CCDC7: variants seen among roughly 807,000 people sequenced by gnomAD.
CCDC7 encodes coiled-coil domain containing 7.
CCDC7 carries 183 observed loss-of-function variants against 196.9 expected under a neutral mutation model. The ratio of observed to expected loss-of-function variants is 0.93; its 90% CI spans 0.82 to 1.05. CCDC7 has a LOEUF of 1.05. Among genes scored for constraint, CCDC7 ranks in the 50% least tolerant of loss-of-function variants. The pLI is 0.00. For synonymous variants in CCDC7, 525 were observed against 484.6 expected, an observed-to-expected ratio of 1.08 and a Z score of -1.10; for missense variants, 1,540 against 1,482.2, an observed-to-expected ratio of 1.04 and a Z score of -0.64.
chr10:32,774,775 T>C (rs2134162473), intron 28 of CCDC7, among the ~76,000 whole-genome samples: 1 of 152,328 alleles, frequency 6.6e-6, no homozygotes, highest in East Asian at 1.9e-4. Flanking sequence ...TGGCTTCTCA[T>C]GCTGGTTGGA....
chr10:32,759,409 G>A (rs2077047060), intron 28 of CCDC7, among the ~76,000 whole-genome samples: 1 of 152,124 alleles, frequency 6.6e-6, no homozygotes, highest in African/African-American at 2.4e-5. Flanking sequence ...TGGACCAATG[G>A]AATAGAATAG....
At chr10:32,444,305 C>T (rs1469896268), upstream of CCDC7, among the ~76,000 whole-genome samples, 1 of 152,174 alleles carries the variant, frequency 6.6e-6, no homozygotes, top group Non-Finnish European at 1.5e-5. Context: ...CGATTCATGT[C>T]ACAGACTCAA....
intron 1 of CCDC7, among the ~76,000 whole-genome samples, chr10:32,452,527 G>T (rs2033342698): frequency 6.6e-6 from 1 of 152,198 alleles, no homozygotes; most frequent in African/African-American, 2.4e-5. Flanking sequence ...GCATGATCTT[G>T]GCTCACTGCA....
chr10:32,586,866 C>T (rs2059333522), intron 18 of CCDC7, among the ~76,000 whole-genome samples: 1 of 151,958 alleles, frequency 6.6e-6, no homozygotes. Flanking sequence ...ACTTTTAAGA[C>T]AAAATTAAAT....
intron 30 of CCDC7, 84 bp downstream of exon 31, chr10:32,805,182 C>T: frequency 1.1e-6 from 1 of 948,788 alleles, no homozygotes; most frequent in Non-Finnish European, 1.7e-6. Flanking sequence ...AGCAATGGTG[C>T]CCATTTGTTA....
chr10:32,536,176 T>A (rs2050459866), intron 11 of CCDC7, among the ~76,000 whole-genome samples: 1 of 152,094 alleles, frequency 6.6e-6, no homozygotes, highest in Non-Finnish European at 1.5e-5. Context: ...TTCCAAAAGC[T>A]AATCTTGAAA....
intron 37 of CCDC7, among the ~76,000 whole-genome samples, chr10:32,846,713 A>G (rs1398610290): frequency 6.6e-6 from 1 of 152,210 alleles, no homozygotes; most frequent in Non-Finnish European, 1.5e-5. Flanking sequence ...AGTAGTCTCA[A>G]TGTAGGCATT....
intron 21 of CCDC7, among the ~76,000 whole-genome samples, chr10:32,675,001 A>C (rs994582883): frequency 6.6e-6 from 1 of 152,084 alleles, no homozygotes; most frequent in Non-Finnish European, 1.5e-5. Flanking sequence ...ACTCTAAAGC[A>C]AGTCTCTTGC....
At chr10:32,498,477 C>T (rs56133642) in intron 9 of CCDC7, among the ~76,000 whole-genome samples, 13,146 of 152,172 alleles carry the variant, frequency 0.086, 890 homozygotes, top group South Asian at 0.25. Flanking sequence ...TTCATAGCAT[C>T]GATGGTCTTT....
At chr10:32,669,074 C>T (rs2073479158) in intron 21 of CCDC7, among the ~76,000 whole-genome samples, 1 of 152,020 alleles carries the variant, frequency 6.6e-6, no homozygotes, top group Non-Finnish European at 1.5e-5. Context: ...GTACAATCCT[C>T]CTATACCTAA....
intron 11 of CCDC7, among the ~76,000 whole-genome samples, chr10:32,537,567 C>G (rs760285393): frequency 6.6e-6 from 1 of 152,080 alleles, no homozygotes; most frequent in Non-Finnish European, 1.5e-5. Context: ...AAATCTTTGC[C>G]AAGTCCTATG....
intron 1 of CCDC7, 75 bp from the exon 3 acceptor site, chr10:32,453,269 A>T: frequency 9.2e-7 from 1 of 1,081,302 alleles, no homozygotes; most frequent in Non-Finnish European, 1.2e-6. Context: ...ATAATTGATT[A>T]AATATTATTT....
At chr10:32,706,608 A>G (rs2079806756) in intron 24 of CCDC7, among the ~76,000 whole-genome samples, 1 of 152,060 alleles carries the variant, frequency 6.6e-6, no homozygotes, top group African/African-American at 2.4e-5. Flanking sequence ...GAAGAATCAA[A>G]TAGACGCAAT....
intron 3 of CCDC7, among the ~76,000 whole-genome samples, chr10:32,461,533 A>G (rs989591020): frequency 1.3e-5 from 2 of 151,702 alleles, no homozygotes; most frequent in African/African-American, 4.8e-5. Flanking sequence ...AAGTAGTATT[A>G]TATTTTATAT....
chr10:32,823,152 T>A (rs1052885824), intron 31 of CCDC7, among the ~76,000 whole-genome samples: 2 of 152,156 alleles, frequency 1.3e-5, no homozygotes, highest in African/African-American at 4.8e-5. Context: ...ATGATGCTTT[T>A]TTTTTTTTGA....
At chr10:32,461,709 G>GTGTGTGTA (rs1471520620) in intron 3 of CCDC7, among the ~76,000 whole-genome samples, 1 of 57,482 alleles carries the variant, frequency 1.7e-5, no homozygotes, top group Non-Finnish European at 3.2e-5. Flanking sequence ...GTGTGTGTGT[G>GTGTGTGTA]TATATATATA....
chr10:32,821,197 G>A (rs371511433), intron 31 of CCDC7, among the ~76,000 whole-genome samples: 12 of 152,210 alleles, frequency 7.9e-5, no homozygotes, highest in South Asian at 4.2e-4. Flanking sequence ...TGCAGCCAAC[G>A]GACACATGAA....
At chr10:32,795,301 A>C (rs2083376993) in intron 29 of CCDC7, among the ~76,000 whole-genome samples, 1 of 152,054 alleles carries the variant, frequency 6.6e-6, no homozygotes, top group African/African-American at 2.4e-5. Context: ...ATTTTCAATT[A>C]GGTTTTCTTC....
intron 30 of CCDC7, among the ~76,000 whole-genome samples, chr10:32,807,410 G>C (rs1450127634): frequency 6.6e-6 from 1 of 152,112 alleles, no homozygotes; most frequent in Non-Finnish European, 1.5e-5. Flanking sequence ...AATGACAAGA[G>C]AGGGGGCTCC....
Sources: gnomAD v4.1 joint callset for allele counts (sites outside exome capture counted in the v4.1 genomes callset) on GRCh38, gnomAD v4.1.1 for gene constraint, MANE v1.5 for transcripts, NCBI Gene and HGNC (gene_info 2026-07-23, HGNC 2026-07-21) for gene names.